The following EML5 variants were observed in gnomAD, a reference collection of about 807,000 sequenced individuals.
The protein encoded by EML5 is echinoderm microtubule-associated protein-like 5.
In EML5, 120 loss-of-function variants were observed where a neutral mutation model predicts 250.0. The ratio of observed to expected loss-of-function variants is 0.48; its 90% CI spans 0.41 to 0.56. The LOEUF is 0.56. EML5 is among the 20% of genes least tolerant of loss of function. EML5 has a pLI of 0.00. For missense variants in EML5, 2,006 were observed against 2,437.6 expected (o/e 0.82, Z 3.73); for synonymous variants, 771 against 806.5 (o/e 0.96, Z 0.75).
intron 1 of EML5, among the ~76,000 whole-genome samples, chr14:88,768,006 ACTTTC>A (rs1050822869): frequency 1.3e-4 from 20 of 152,092 alleles, no homozygotes; most frequent in Admixed American, 1.2e-3. Context: ...ACTTTCTTAG[ACTTTC>A]CTTTCCTTTC....
intron 7 of EML5, among the ~76,000 whole-genome samples, chr14:88,734,991 A>C (rs940723161): frequency 2.6e-5 from 4 of 152,190 alleles, no homozygotes; most frequent in Non-Finnish European, 4.4e-5. Flanking sequence ...TATACTAGCT[A>C]GATACAGAAC....
At chr14:88,719,108 A>C (rs2093550318) in intron 8 of EML5, among the ~76,000 whole-genome samples, 1 of 152,158 alleles carries the variant, frequency 6.6e-6, no homozygotes, top group South Asian at 2.1e-4. Context: ...CAATTTGACT[A>C]GGCATGGTGG....
chr14:88,638,464 T>C (rs1207618636), intron 32 of EML5, among the ~76,000 whole-genome samples: 1 of 152,238 alleles, frequency 6.6e-6, no homozygotes, highest in Non-Finnish European at 1.5e-5. Context: ...TTCCCTTTGT[T>C]TACTACTTCC....
In EML5 at chr14:88,792,239, G is replaced by A. The variant is rs952337381; in HGVS notation, c.197+68C>T. 5 of 1,520,318 alleles carry A rather than the reference G, an allele frequency of 3.3e-6. No homozygotes were observed. Among genetic ancestry groups the A allele is most frequent in the Non-Finnish European group, 4.4e-6 (5 of 1,134,114 alleles). 94.2% of individuals were successfully genotyped at this position (1,520,318 alleles called of 1,614,324 possible). On this transcript the variant is annotated intron_variant, in intron 1 of 43. Transcript: ENST00000554922. The surrounding 1 kb of genome is among the most constrained non-coding windows in gnomAD (Gnocchi z 6.9). ...TGCAGGAGCGGTCACGGCGTCCAGA[G>A]GAACCCGCGGGTGCAAACTCCGGGA...
At chr14:88,790,530 C>T (rs112745643) in intron 1 of EML5, among the ~76,000 whole-genome samples, 1 of 152,166 alleles carries the variant, frequency 6.6e-6, no homozygotes, top group African/African-American at 2.4e-5. Context: ...TAAATCATAT[C>T]TAGTTTCAGA....
intron 43 of EML5, 62 bp downstream of exon 43, chr14:88,616,080 T>C: frequency 1.3e-6 from 2 of 1,540,566 alleles, no homozygotes; most frequent in Non-Finnish European, 9.0e-7. Context: ...GTAGGAGTTG[T>C]TGTATTAAGT....
In EML5 at chr14:88,702,646, C is replaced by T. The variant is rs2093237701; in HGVS notation, c.2052-14G>A. The T allele has an allele frequency of 6.6e-7, 1 of 1,508,992 alleles. No individual in the cohort carries two copies. Among genetic ancestry groups the T allele is most frequent in the South Asian group, 1.3e-5 (1 of 77,582 alleles). The allele number at this position is 1,508,992 out of a possible 1,614,324, so 93.5% of individuals were successfully genotyped here. A position where few individuals can be genotyped will look rare whatever the true frequency, so the allele number is the denominator to read the frequency against. ...TAACCTCTGTAACTAATATAGAAAA[C>T]AAATCATATATAATTAATTTTGGCC... On this transcript the variant is annotated splice_polypyrimidine_tract_variant and intron_variant, in intron 13 of 43. Coordinates refer to ENST00000554922, the MANE Select transcript of EML5 (RefSeq NM_183387.3).
chr14:88,626,055 T>C (rs934456322), intron 35 of EML5: 3 of 152,204 alleles, frequency 2.0e-5, no homozygotes, highest in Non-Finnish European at 2.9e-5. Context: ...TCTGTCTCAC[T>C]ACCTCCTTCT....
At chr14:88,756,523 A>T (rs2140402860) in intron 1 of EML5, among the ~76,000 whole-genome samples, 1 of 152,284 alleles carries the variant, frequency 6.6e-6, no homozygotes, top group Admixed American at 6.5e-5. Context: ...GAAAAGGAAC[A>T]AAAAGTAAAA....
intron 17 of EML5, among the ~76,000 whole-genome samples, chr14:88,692,696 T>C (rs1390029687): frequency 2.6e-5 from 4 of 152,222 alleles, no homozygotes; most frequent in Non-Finnish European, 5.9e-5. Flanking sequence ...TACAAGTGAC[T>C]AAGGTGCCCA....
intron 7 of EML5, among the ~76,000 whole-genome samples, chr14:88,731,554 C>T (rs1262120124): frequency 6.6e-6 from 1 of 152,086 alleles, no homozygotes; most frequent in Non-Finnish European, 1.5e-5. Flanking sequence ...TTTATAGCAG[C>T]ATGATTTATA....
At chr14:88,646,260 A>G (rs1464211367) in intron 29 of EML5, among the ~76,000 whole-genome samples, 1 of 152,218 alleles carries the variant, frequency 6.6e-6, no homozygotes, top group Non-Finnish European at 1.5e-5. Context: ...TAAACATCCA[A>G]TAAGAAATGA....
At position 88,615,148 on chromosome 14, in the gene EML5, TCGAAAA is replaced by T. The variant is rs2087391606; in HGVS notation, c.*664_*669del. On this transcript the variant is annotated 3_prime_UTR_variant, in exon 44 of 44. Coordinates refer to ENST00000554922, the MANE Select transcript of EML5 (RefSeq NM_183387.3). ...TGGCATCTGAACATAAACTGATGGC[TCGAAAA>T]TGAAAATGGAAATGTAGCAGCCATA... is the stretch of plus-strand genomic sequence containing the variant. 2 of 152,166 alleles carry T rather than the reference TCGAAAA, an allele frequency of 1.3e-5. No individual in the cohort carries two copies. The highest frequency in any genetic ancestry group is 1.3e-4 in the Admixed American group (2 of 15,268). 9.4% of individuals were successfully genotyped at this position (152,166 alleles called of 1,614,324 possible).
At chr14:88,766,533 G>A (rs11844132) in intron 1 of EML5, among the ~76,000 whole-genome samples, 2,951 of 152,182 alleles carry the variant, frequency 0.019, 107 homozygotes, top group African/African-American at 0.067. Context: ...TGGTCAGACC[G>A]GTCGTCTGCT....
chr14:88,633,737 A>G (rs1193021859), intron 33 of EML5, among the ~76,000 whole-genome samples: 1 of 152,110 alleles, frequency 6.6e-6, no homozygotes, highest in Non-Finnish European at 1.5e-5. Flanking sequence ...TGGTCGTGTC[A>G]AATAAAGCTT....
intron 1 of EML5, among the ~76,000 whole-genome samples, chr14:88,767,900 T>C (rs1186124059): frequency 6.6e-6 from 1 of 152,132 alleles, no homozygotes; most frequent in African/African-American, 2.4e-5. Context: ...CACCATTTTT[T>C]CCACTAATGT....
intron 6 of EML5, among the ~76,000 whole-genome samples, chr14:88,738,177 T>A (rs2093873835): frequency 6.6e-6 from 1 of 152,142 alleles, no homozygotes; most frequent in Non-Finnish European, 1.5e-5. Context: ...CCAATTAACA[T>A]TTACATGCTT....
chr14:88,787,210 G>A (rs2094560080), intron 1 of EML5, among the ~76,000 whole-genome samples: 1 of 152,134 alleles, frequency 6.6e-6, no homozygotes, highest in South Asian at 2.1e-4. Context: ...AAGAAACACT[G>A]TGAACTTTTT....
rs1595721609 is a variant in EML5 at position 88,736,266 on chromosome 14, T to C, written c.1049+98A>G. 4.3e-6 allele frequency: 6 copies of C among 1,387,378 alleles called. No homozygotes were observed. The East Asian group carries it at 1.4e-4, about 32-fold the overall frequency. The allele number at this position is 1,387,378 out of a possible 1,614,324, so 85.9% of individuals were successfully genotyped here. ...TGCCCGCCTTGGCCTCCCAAAGTGC[T>C]GGGATTACGGGCGTGAGCCACAGTG... On this transcript the variant is annotated intron_variant, in intron 7 of 43. Transcript: ENST00000554922.
Sources: gnomAD v4.1 joint callset for allele counts (sites outside exome capture counted in the v4.1 genomes callset) on GRCh38, gnomAD v4.1.1 for gene constraint, Gnocchi (gnomAD v3.1) non-coding constraint, MANE v1.5 for transcripts, NCBI Gene and HGNC (gene_info 2026-07-23, HGNC 2026-07-21) for gene names.